Variants in ZEB2 observed in about 807,000 individuals in gnomAD.
ZEB2 encodes the protein zinc finger E-box binding homeobox 2.
Under a neutral mutation model 99.9 loss-of-function variants are expected in ZEB2, and 6 were observed. The ratio of observed to expected loss-of-function variants is 0.06; its 90% confidence interval spans 0.03 to 0.12. The LOEUF (loss-of-function observed/expected upper bound fraction) is 0.12, where lower values mean the gene tolerates loss of function less well. Ranked by LOEUF, ZEB2 falls within the 10% of genes least tolerant of loss-of-function variation. ZEB2 has a pLI of 1.00. For missense variants in ZEB2, 969 were observed against 1,502.8 expected (o/e 0.64, Z 5.87); for synonymous variants, 517 against 542.5 (o/e 0.95, Z 0.65).
intron 2 of ZEB2, among the ~76,000 whole-genome samples, chr2:144,491,043 A>C (rs1178757215): frequency 6.6e-6 from 1 of 152,256 alleles, no homozygotes; most frequent in Non-Finnish European, 1.5e-5. Context: ...CCGAGTACGC[A>C]TTGACACGAT....
intron 2 of ZEB2, among the ~76,000 whole-genome samples, chr2:144,471,463 A>G (rs1704354157): frequency 6.6e-6 from 1 of 152,078 alleles, no homozygotes; most frequent in Non-Finnish European, 1.5e-5. Context: ...CATGAAAAGA[A>G]CAAAAACCTA....
chr2:144,509,644 G>C (rs1051508012), intron 2 of ZEB2, among the ~76,000 whole-genome samples: 1 of 152,030 alleles, frequency 6.6e-6, no homozygotes, highest in African/African-American at 2.4e-5. Context: ...GCATGTGTGT[G>C]AGCGCATTGT....
intron 2 of ZEB2, among the ~76,000 whole-genome samples, chr2:144,438,311 C>T (rs568704031): frequency 6.6e-6 from 1 of 152,206 alleles, no homozygotes; most frequent in South Asian, 2.1e-4. Context: ...ACTCCATCAG[C>T]TGAAATAATG....
At chr2:144,409,681 T>C (rs938531097) in intron 4 of ZEB2, among the ~76,000 whole-genome samples, 1 of 152,004 alleles carries the variant, frequency 6.6e-6, no homozygotes, top group Non-Finnish European at 1.5e-5. Flanking sequence ...CTTTTCTCTA[T>C]CCAAAAAAAG....
In ZEB2 at chr2:144,468,119, T is replaced by C. The variant is rs190867325; in HGVS notation, c.74-38093A>G. On this transcript the variant is annotated intron_variant, in intron 2 of 9. Coordinates refer to ENST00000627532, the MANE Select transcript of ZEB2 (RefSeq NM_014795.4). ...ATGGAAAAAGAGGCACATCTGCCTATAGAGTAACTGATAGAGGAGACAGGA... is the reference window on the plus strand; with the variant it reads ...ATGGAAAAAGAGGCACATCTGCCTACAGAGTAACTGATAGAGGAGACAGGA... Among the ~76,000 whole-genome samples the C allele has an allele frequency of 4.6e-5, 7 of 152,114 alleles. No individual in the cohort carries two copies. In the East Asian group the frequency reaches 7.7e-4, roughly 17 times the overall value.
chr2:144,457,564 A>G lies in ZEB2; in HGVS notation c.74-27538T>C, dbSNP rs567906452. 3.3e-5 allele frequency among the ~76,000 whole-genome samples: 5 copies of G among 152,294 alleles called. No individual in the cohort carries two copies. In the South Asian group the frequency reaches 1.0e-3, roughly 32 times the overall value. ...GGGCAGAAGAGAGAAGGAGGAGAGA[A>G]GAACAAAGGCAAGGTCAAGAGCAAC... On this transcript the variant is annotated intron_variant, in intron 2 of 9. Transcript: ENST00000627532.
chr2:144,437,686 A>C (rs1331646723), intron 2 of ZEB2, among the ~76,000 whole-genome samples: 1 of 152,158 alleles, frequency 6.6e-6, no homozygotes, highest in East Asian at 1.9e-4. Flanking sequence ...GACCTTGTCT[A>C]GCTTTAAGTT....
chr2:144,456,710 C>G (rs947202062), intron 2 of ZEB2, among the ~76,000 whole-genome samples: 1 of 152,074 alleles, frequency 6.6e-6, no homozygotes, highest in African/African-American at 2.4e-5. Flanking sequence ...ACCCCTTGGT[C>G]TTAGATTCTG....
intron 2 of ZEB2, among the ~76,000 whole-genome samples, chr2:144,442,070 TCTC>T (rs1214018340): frequency 6.6e-6 from 1 of 152,190 alleles, no homozygotes; most frequent in East Asian, 1.9e-4. Flanking sequence ...AAAGGCCAAT[TCTC>T]AAAAGTTCAA....
chr2:144,447,575 C>T (rs975834138), intron 2 of ZEB2, among the ~76,000 whole-genome samples: 6 of 152,152 alleles, frequency 3.9e-5, no homozygotes, highest in Non-Finnish European at 7.3e-5. Flanking sequence ...ACTCTAAATT[C>T]TCCCAACTTA....
intron 2 of ZEB2, among the ~76,000 whole-genome samples, chr2:144,475,786 T>C (rs1560640340): frequency 6.6e-6 from 1 of 152,194 alleles, no homozygotes; most frequent in African/African-American, 2.4e-5. Flanking sequence ...GTCAAACCCA[T>C]ACATGTGACA....
At chr2:144,451,580 T>C (rs1704055402) in intron 2 of ZEB2, among the ~76,000 whole-genome samples, 1 of 152,188 alleles carries the variant, frequency 6.6e-6, no homozygotes, top group African/African-American at 2.4e-5. Flanking sequence ...ATTTTAAAAC[T>C]TGGAAATCCT....
Position 144,399,273 on chromosome 2 carries a change from A to G in ZEB2, c.1914T>C (p.Ser638=), listed in dbSNP as rs1703274420. 1 of 1,614,054 alleles carries G rather than the reference A, an allele frequency of 6.2e-7. No individual in the cohort carries two copies. Among genetic ancestry groups the G allele is most frequent in the African/African-American group, 1.3e-5 (1 of 74,922 alleles). ...TTGTCATTCCTTTCTCAGAAAGTAC[A>G]GATGACAAGAGGAGGGCTTTATTAT... ...FVDNKALLLS[S]VLSEKGMTSP... The change falls in exon 8 of 10, where the codon TCT becomes TCC. Residue 638 remains serine, a synonymous_variant. Transcript: ENST00000627532. This position sits in a 1 kb window ranked among gnomAD's most constrained non-coding sequence, Gnocchi z 5.6.
chr2:144,429,697 T>G (rs1229618459), intron 3 of ZEB2, 72 bp downstream of exon 3: 5 of 1,610,354 alleles, frequency 3.1e-6, no homozygotes, highest in Non-Finnish European at 4.2e-6. Flanking sequence ...GTGGGCGATC[T>G]GCTAGGTGGA....
chr2:144,483,458 A>G (rs907314707), intron 2 of ZEB2, among the ~76,000 whole-genome samples: 43 of 152,222 alleles, frequency 2.8e-4, no homozygotes, highest in Admixed American at 2.7e-3. Flanking sequence ...TTTAAAGTGG[A>G]TACATTTGGA....
chr2:144,470,469 T>G (rs1327881720), intron 2 of ZEB2: 1 of 152,170 alleles, frequency 6.6e-6, no homozygotes, highest in Non-Finnish European at 1.5e-5. Flanking sequence ...ATATTTGTAA[T>G]AAATGTTCTG....
intron 4 of ZEB2, among the ~76,000 whole-genome samples, chr2:144,415,063 A>ATT (rs541312850): frequency 2.2e-5 from 3 of 134,776 alleles, no homozygotes; most frequent in African/African-American, 8.3e-5. Flanking sequence ...TTATTCTTAC[A>ATT]TTTTTTTTTT....
intron 4 of ZEB2, 126 bp downstream of exon 4, chr2:144,424,670 C>T (rs1437620260): frequency 1.8e-6 from 2 of 1,121,362 alleles, no homozygotes; most frequent in Non-Finnish European, 2.7e-6. Context: ...AAACCAGAGA[C>T]CTGTAAAGTT....
At chr2:144,405,754 C>T (rs1368269928) in intron 4 of ZEB2, among the ~76,000 whole-genome samples, 3 of 152,074 alleles carry the variant, frequency 2.0e-5, no homozygotes, top group Admixed American at 6.6e-5. Flanking sequence ...AGTTAAGAAA[C>T]TGGTGTGTGA....
Sources: allele counts gnomAD v4.1 joint callset (sites outside exome capture counted in the v4.1 genomes callset), GRCh38; gene constraint gnomAD v4.1.1; non-coding constraint Gnocchi (gnomAD v3.1); transcripts MANE v1.5; gene names NCBI Gene and HGNC (gene_info 2026-07-23, HGNC 2026-07-21).